ERBB4: variants seen among roughly 807,000 people sequenced by gnomAD.
ERBB4 encodes the protein erb-b2 receptor tyrosine kinase 4.
A neutral mutation model predicts 158.0 loss-of-function variants in ERBB4; 42 were observed. That is an observed-to-expected ratio of 0.27 (90% CI 0.21 to 0.34). The LOEUF (loss-of-function observed/expected upper bound fraction) is 0.34, where lower values mean the gene tolerates loss of function less well. Ranked by LOEUF, ERBB4 falls within the 10% of genes least tolerant of loss-of-function variation. ERBB4 has a pLI of 1.00. For missense variants in ERBB4, 1,333 were observed against 1,624.1 expected, an observed-to-expected ratio of 0.82 and a Z score of 3.08; for synonymous variants, 583 against 558.7, an observed-to-expected ratio of 1.04 and a Z score of -0.61.
chr2:211,814,480 TTAGAA>T (rs1478678642), intron 3 of ERBB4, among the ~76,000 whole-genome samples: 2 of 152,012 alleles, frequency 1.3e-5, no homozygotes, highest in Non-Finnish European at 1.5e-5. Flanking sequence ...CAGAAAATAA[TTAGAA>T]TAGTATAGAG....
chr2:211,661,692 G>T (rs567217055), intron 15 of ERBB4, among the ~76,000 whole-genome samples: 2 of 152,166 alleles, frequency 1.3e-5, no homozygotes, highest in South Asian at 4.2e-4. Flanking sequence ...CTCTCTTGAT[G>T]TATAAAAATT....
intron 1 of ERBB4, among the ~76,000 whole-genome samples, chr2:212,524,934 T>TA (rs1044525782): frequency 6.6e-6 from 1 of 152,002 alleles, no homozygotes; most frequent in African/African-American, 2.4e-5. Context: ...AGAGAAGAGA[T>TA]ATGAAGGTCC....
chr2:211,918,291 G>C lies in ERBB4; in HGVS notation c.421+29139C>G, dbSNP rs536617526. On this transcript the variant is annotated intron_variant, in intron 3 of 27. Coordinates refer to ENST00000342788, the MANE Select transcript of ERBB4 (RefSeq NM_005235.3). ...TTATTTCAAATTTTAGTGAGGAAAT[G>C]GGCAAGGAACTATAAAATGTAAAAT... is the stretch of plus-strand genomic sequence containing the variant. 6.6e-5 allele frequency among the ~76,000 whole-genome samples: 10 copies of C among 152,210 alleles called. No individual in the cohort carries two copies. The South Asian group carries it at 1.9e-3, about 28-fold the overall frequency.
At chr2:212,186,157 G>C (rs1256598824) in intron 1 of ERBB4, among the ~76,000 whole-genome samples, 1 of 152,060 alleles carries the variant, frequency 6.6e-6, no homozygotes, top group Non-Finnish European at 1.5e-5. Context: ...AAATGAGAAA[G>C]ACAGGATTGG....
At position 212,068,645 on chromosome 2, in the gene ERBB4, C is replaced by T. The variant is rs573316836; in HGVS notation, c.234+56107G>A. Among the ~76,000 whole-genome samples the T allele has an allele frequency of 2.0e-5, 3 of 152,150 alleles. No homozygotes were observed. In the East Asian group the frequency reaches 5.8e-4, roughly 29 times the overall value. On this transcript the variant is annotated intron_variant, in intron 2 of 27. Coordinates refer to ENST00000342788, the MANE Select transcript of ERBB4 (RefSeq NM_005235.3). ...GCTCTGTCTCTCTGTACCTGCCTTA[C>T]AAGAAAAGTAGCTTTAAAAGACTAA...
intron 20 of ERBB4, among the ~76,000 whole-genome samples, chr2:211,527,071 A>G (rs981524768): frequency 1.3e-5 from 2 of 152,122 alleles, no homozygotes; most frequent in African/African-American, 4.8e-5. Flanking sequence ...CTAGAGAAAA[A>G]TATCAATATC....
intron 2 of ERBB4, among the ~76,000 whole-genome samples, chr2:212,119,803 C>T (rs553445564): frequency 3.9e-5 from 6 of 152,082 alleles, no homozygotes; most frequent in South Asian, 2.1e-4. Context: ...GTAATAAAAG[C>T]GTCTTGAAAA....
chr2:212,485,635 T>G (rs2106178222), intron 1 of ERBB4, among the ~76,000 whole-genome samples: 1 of 152,310 alleles, frequency 6.6e-6, no homozygotes, highest in Non-Finnish European at 1.5e-5. Flanking sequence ...TAGTTTTCAT[T>G]TAACCAGCAC....
chr2:211,642,304 C>A (rs1242423722), intron 16 of ERBB4, among the ~76,000 whole-genome samples: 1 of 152,030 alleles, frequency 6.6e-6, no homozygotes, highest in Non-Finnish European at 1.5e-5. Context: ...TCTTAATCAA[C>A]CTGGTGGTAG....
chr2:211,454,774 T>A (rs988413170), intron 20 of ERBB4, among the ~76,000 whole-genome samples: 2 of 152,222 alleles, frequency 1.3e-5, no homozygotes, highest in Non-Finnish European at 2.9e-5. Context: ...GAGAGCTCCA[T>A]TAGCCTTCTT....
chr2:212,425,714 A>G (rs2091898775), intron 1 of ERBB4, among the ~76,000 whole-genome samples: 1 of 152,046 alleles, frequency 6.6e-6, no homozygotes, highest in East Asian at 1.9e-4. Context: ...ATGTATCTTT[A>G]TCACTTCACT....
intron 19 of ERBB4, among the ~76,000 whole-genome samples, chr2:211,607,025 G>A (rs983801244): frequency 2.0e-5 from 3 of 151,978 alleles, no homozygotes; most frequent in African/African-American, 4.8e-5. Flanking sequence ...TTATTTGTAC[G>A]CATTATACTA....
intron 4 of ERBB4, among the ~76,000 whole-genome samples, chr2:211,756,270 G>T (rs188694682): frequency 7.2e-4 from 110 of 152,248 alleles, no homozygotes; most frequent in Non-Finnish European, 1.1e-3. Context: ...ATTGCAGAAG[G>T]CTCTGCAGTT....
intron 16 of ERBB4, among the ~76,000 whole-genome samples, chr2:211,651,116 G>A (rs1313916384): frequency 2.6e-5 from 4 of 152,106 alleles, no homozygotes; most frequent in Non-Finnish European, 5.9e-5. Context: ...TGAGCACCTG[G>A]AACCAACATG....
intron 2 of ERBB4, among the ~76,000 whole-genome samples, chr2:212,118,486 T>A (rs2079638539): frequency 6.6e-6 from 1 of 152,148 alleles, no homozygotes; most frequent in Non-Finnish European, 1.5e-5. Context: ...ATAGTATAGA[T>A]CCTTTACTAG....
chr2:212,048,373 C>G (rs1437516774), intron 2 of ERBB4, among the ~76,000 whole-genome samples: 1 of 152,092 alleles, frequency 6.6e-6, no homozygotes, highest in African/African-American at 2.4e-5. Context: ...GCAGGGGACA[C>G]AGCTGGAAAT....
chr2:211,453,986 C>G (rs1245673624), intron 20 of ERBB4, among the ~76,000 whole-genome samples: 2 of 152,100 alleles, frequency 1.3e-5, no homozygotes, highest in South Asian at 2.1e-4. Flanking sequence ...GTTCAATCAA[C>G]TACATAAATC....
At chr2:211,993,046 G>A (rs1245557196) in intron 2 of ERBB4, among the ~76,000 whole-genome samples, 2 of 152,276 alleles carry the variant, frequency 1.3e-5, no homozygotes, top group African/African-American at 4.8e-5. Flanking sequence ...GCATGCTGGC[G>A]AGCCAGCAGT....
At chr2:211,704,497 G>C (rs961244179) in intron 10 of ERBB4, among the ~76,000 whole-genome samples, 7 of 151,906 alleles carry the variant, frequency 4.6e-5, no homozygotes, top group Non-Finnish European at 7.4e-5. Flanking sequence ...AATCTTTTAC[G>C]TCTTCATCTG....
Sources: gnomAD v4.1 joint callset for allele counts (sites outside exome capture counted in the v4.1 genomes callset) on GRCh38, gnomAD v4.1.1 for gene constraint, MANE v1.5 for transcripts, NCBI Gene and HGNC (gene_info 2026-07-23, HGNC 2026-07-21) for gene names.